The following PHTF2 variants were observed in gnomAD, a reference collection of about 807,000 sequenced individuals.
The protein encoded by PHTF2 is protein PHTF2.
Under a neutral mutation model 101.2 loss-of-function variants are expected in PHTF2, and 60 were observed. The ratio of observed to expected loss-of-function variants is 0.59; its 90% CI spans 0.48 to 0.73. PHTF2 has a LOEUF of 0.73. Among genes scored for constraint, PHTF2 ranks in the 30% least tolerant of loss-of-function variants. The pLI, the probability that PHTF2 is intolerant of heterozygous loss-of-function variation, is 0.00. For missense variants in PHTF2, 747 were observed against 908.7 expected (o/e 0.82, Z 2.29); for synonymous variants, 311 against 307.3 (o/e 1.01, Z -0.13).
chr7:77,929,290 G>A lies in PHTF2; in HGVS notation c.1301G>A (p.Cys434Tyr), dbSNP rs199506255. The change falls in exon 12 of 20, where the codon TGT (cysteine) becomes TAT (tyrosine). Residue 434 changes from cysteine to tyrosine, a missense_variant. Physicochemically the swap from Cys to Tyr is radical, Grantham distance 194 (BLOSUM62 -2). Transcript: ENST00000416283. ...GTGGAAAATCATCAGATTAATCCATGTGTGAAAAAAGAATATAGAGATGAC... is the reference window on the plus strand; with the variant it reads ...GTGGAAAATCATCAGATTAATCCATATGTGAAAAAAGAATATAGAGATGAC... The A allele has an allele frequency of 3.8e-5, 62 of 1,610,656 alleles. No homozygotes were observed. The highest frequency in any genetic ancestry group is 5.1e-5 in the Non-Finnish European group (60 of 1,177,138).
At chr7:77,849,162 C>T (rs1348665496) in intron 2 of PHTF2, among the ~76,000 whole-genome samples, 3 of 151,836 alleles carry the variant, frequency 2.0e-5, no homozygotes, top group Non-Finnish European at 2.9e-5. Flanking sequence ...CTCCCTCTGT[C>T]GCCCAGGCTG....
chr7:77,885,641 C>T (rs989393193), intron 3 of PHTF2, among the ~76,000 whole-genome samples: 2 of 152,116 alleles, frequency 1.3e-5, no homozygotes, highest in Non-Finnish European at 2.9e-5. Context: ...GATAGGGTTT[C>T]ACCATGTTGG....
intron 11 of PHTF2, among the ~76,000 whole-genome samples, chr7:77,928,226 CTA>C (rs1804241363): frequency 6.6e-6 from 1 of 151,728 alleles, no homozygotes; most frequent in African/African-American, 2.4e-5. Context: ...ATAAGGATGA[CTA>C]TGACCATGAT....
chr7:77,874,368 G>T (rs920465816), intron 3 of PHTF2, among the ~76,000 whole-genome samples: 2 of 152,034 alleles, frequency 1.3e-5, no homozygotes, highest in Non-Finnish European at 2.9e-5. Context: ...GTTGGTCAAG[G>T]TTCTCTAGAG....
At chr7:77,849,570 C>A (rs1042622225) in intron 2 of PHTF2, among the ~76,000 whole-genome samples, 1 of 152,072 alleles carries the variant, frequency 6.6e-6, no homozygotes, top group African/African-American at 2.4e-5. Context: ...AAATTAAATT[C>A]TAGGATTATT....
intron 9 of PHTF2, among the ~76,000 whole-genome samples, chr7:77,911,972 G>A (rs1802439331): frequency 6.6e-6 from 1 of 152,204 alleles, no homozygotes; most frequent in Non-Finnish European, 1.5e-5. Flanking sequence ...CAGATAAGCA[G>A]TTATAAATAG....
intron 1 of PHTF2, among the ~76,000 whole-genome samples, chr7:77,823,936 G>A (rs188077217): frequency 1.9e-3 from 289 of 152,326 alleles, no homozygotes; most frequent in African/African-American, 6.9e-3. Flanking sequence ...GATGAGGTCA[G>A]TATTTTAAAA....
At chr7:77,864,906 A>G (rs1797930735) in intron 3 of PHTF2, among the ~76,000 whole-genome samples, 1 of 152,122 alleles carries the variant, frequency 6.6e-6, no homozygotes, top group South Asian at 2.1e-4. Flanking sequence ...TATGGCTTTA[A>G]AGATATTTCA....
chr7:77,940,486 G>A (rs1562970033), intron 14 of PHTF2, 42 bp from the exon 14 acceptor site: 3 of 1,518,386 alleles, frequency 2.0e-6, no homozygotes, highest in Non-Finnish European at 2.7e-6. Context: ...TTTTTCTGTG[G>A]TAATCTACTT....
chr7:77,910,903 G>A lies in PHTF2; in HGVS notation c.776+494G>A, dbSNP rs192856129. ...ATTACAGGTGTGAGCCACCGAACCC[G>A]GCCAGGATTTCTTGATTTTGGTTTC... On this transcript the variant is annotated intron_variant, in intron 9 of 19. Transcript: ENST00000416283. Among the ~76,000 whole-genome samples the A allele has an allele frequency of 3.9e-4, 59 of 152,232 alleles. 2 individuals are homozygous for A. The highest frequency in any genetic ancestry group is 2.2e-3 in the Admixed American group (33 of 15,294).
intron 11 of PHTF2, chr7:77,923,761 C>T (rs117686754): frequency 0.03 from 29,929 of 983,898 alleles, 507 homozygotes; most frequent in Middle Eastern, 0.055. Flanking sequence ...GGAAGGGAGA[C>T]GGAGGGCTGT....
Position 77,954,612 on chromosome 7 carries a change from G to GTGTATATATATA in PHTF2, c.2338-245_2338-244insGTATATATATAT, listed in dbSNP as rs1426693429. On this transcript the variant is annotated intron_variant, in intron 19 of 19. Coordinates refer to ENST00000416283, the Ensembl canonical transcript of PHTF2. ...GATAATCATATTAAACAAGTACTGT[G>GTGTATATATATA]TATATATATATATATATATATATAT... is the stretch of plus-strand genomic sequence containing the variant. Among the ~76,000 whole-genome samples, 398 of 90,102 alleles carry GTGTATATATATA rather than the reference G, an allele frequency of 4.4e-3. 2 individuals are homozygous for GTGTATATATATA. The highest frequency in any genetic ancestry group is 7.5e-3 in the African/African-American group (157 of 21,034). The allele number at this position is 90,102 out of a possible 152,430, so 59.1% of individuals were successfully genotyped here.
Position 77,837,121 on chromosome 7 carries a change from A to G in PHTF2, c.-35-3100A>G, listed in dbSNP as rs118028232. On this transcript the variant is annotated intron_variant, in intron 1 of 19. Coordinates refer to ENST00000416283, the Ensembl canonical transcript of PHTF2. ...TTAGGATTGGATTATTTCTAAATAAATAAAGATTATGCATCATAATACCCA... is the reference window on the plus strand; with the variant it reads ...TTAGGATTGGATTATTTCTAAATAAGTAAAGATTATGCATCATAATACCCA... 6.6e-3 allele frequency among the ~76,000 whole-genome samples: 1,000 copies of G among 152,340 alleles called. 6 individuals are homozygous for G. The highest frequency in any genetic ancestry group is 9.6e-3 in the Non-Finnish European group (655 of 68,030).
rs1457082453 is a variant in PHTF2 at position 77,922,600 on chromosome 7, C to T, written c.964-23C>T. Reference sequence around the variant, plus strand: ...GGTTGGTTAGAAATTACCTATAATCCTCTTTGTGTACTCCCAACTTAGGAT... The same window carrying T: ...GGTTGGTTAGAAATTACCTATAATCTTCTTTGTGTACTCCCAACTTAGGAT... On this transcript the variant is annotated intron_variant, in intron 10 of 19. Coordinates refer to ENST00000416283, the Ensembl canonical transcript of PHTF2. 2.5e-6 allele frequency: 4 copies of T among 1,576,180 alleles called. No homozygotes were observed. In the Admixed American group the frequency reaches 5.3e-5, roughly 21 times the overall value.
chr7:77,938,262 A>G (rs931480026), intron 13 of PHTF2, among the ~76,000 whole-genome samples: 4 of 152,344 alleles, frequency 2.6e-5, no homozygotes, highest in African/African-American at 9.6e-5. Flanking sequence ...GACTTAAGAC[A>G]TGAAAAAATC....
intron 18 of PHTF2, among the ~76,000 whole-genome samples, chr7:77,952,882 A>T (rs1806673783): frequency 6.6e-6 from 1 of 152,050 alleles, no homozygotes. Flanking sequence ...CAGTCTTTTA[A>T]ATATCTTCCA....
At chr7:77,900,576 C>T (rs1801300193) in intron 5 of PHTF2, 135 bp from the exon 5 acceptor site, 2 of 646,722 alleles carry the variant, frequency 3.1e-6, no homozygotes, top group Non-Finnish European at 5.6e-6. Flanking sequence ...CTGTTTGTAA[C>T]AAATGCATAA....
At chr7:77,834,713 T>C (rs1795319729) in intron 1 of PHTF2, among the ~76,000 whole-genome samples, 1 of 152,348 alleles carries the variant, frequency 6.6e-6, no homozygotes, top group African/African-American at 2.4e-5. Context: ...AGCACACAGC[T>C]CTTAGTATCA....
At position 77,844,655 on chromosome 7, in the gene PHTF2, G is replaced by C. The variant is rs188056672; in HGVS notation, c.45+4355G>C. Among the ~76,000 whole-genome samples the C allele has an allele frequency of 2.4e-3, 364 of 152,262 alleles. 3 individuals carry two copies. The highest frequency in any genetic ancestry group is 0.019 in the Admixed American group (286 of 15,296). On this transcript the variant is annotated intron_variant, in intron 2 of 19. Coordinates refer to ENST00000416283, the Ensembl canonical transcript of PHTF2. ...TTCTCCTGCCTCAGCCTCCCCAGTAGCTGGGATTACAGGCAGGTGCTACTA... is the reference window on the plus strand; with the variant it reads ...TTCTCCTGCCTCAGCCTCCCCAGTACCTGGGATTACAGGCAGGTGCTACTA...
Sources: gnomAD v4.1 joint callset for allele counts (sites outside exome capture counted in the v4.1 genomes callset) on GRCh38, gnomAD v4.1.1 for gene constraint, MANE v1.5 for transcripts, NCBI Gene and HGNC (gene_info 2026-07-23, HGNC 2026-07-21) for gene names.